The following PLCB1 variants were observed in gnomAD, a reference collection of about 807,000 sequenced individuals.
PLCB1 encodes 1-phosphatidylinositol 4,5-bisphosphate phosphodiesterase beta-1.
A neutral mutation model predicts 161.8 loss-of-function variants in PLCB1; 46 were observed. The ratio of observed to expected loss-of-function variants is 0.28; its 90% CI spans 0.22 to 0.36. The LOEUF is 0.36. PLCB1 is among the 10% of genes least tolerant of loss of function. The pLI is 1.00. For synonymous variants in PLCB1, 517 were observed against 503.7 expected, an observed-to-expected ratio of 1.03 and a Z score of -0.35; for missense variants, 1,016 against 1,472.5, an observed-to-expected ratio of 0.69 and a Z score of 5.07.
intron 3 of PLCB1, among the ~76,000 whole-genome samples, chr20:8,539,658 T>A (rs1568499476): frequency 1.1e-5 from 1 of 93,650 alleles, no homozygotes; most frequent in Non-Finnish European, 2.1e-5. Flanking sequence ...CTTTCTTTCT[T>A]TCTTTCTTTC....
intron 3 of PLCB1, among the ~76,000 whole-genome samples, chr20:8,422,197 G>A (rs1979566748): frequency 1.3e-5 from 2 of 152,214 alleles, no homozygotes; most frequent in East Asian, 1.9e-4. Flanking sequence ...GTCAGCTGGT[G>A]AAGTTTATAG....
At chr20:8,671,548 G>A (rs191562645) in intron 9 of PLCB1, among the ~76,000 whole-genome samples, 2 of 152,268 alleles carry the variant, frequency 1.3e-5, no homozygotes, top group Admixed American at 6.5e-5. Context: ...TAATCCTCAC[G>A]CCTCTGCCAG....
chr20:8,762,132 C>A (rs1982071879), intron 25 of PLCB1, among the ~76,000 whole-genome samples: 2 of 152,096 alleles, frequency 1.3e-5, no homozygotes. Flanking sequence ...TTCGCTTGAA[C>A]CCAGGAGGCG....
At chr20:8,368,472 A>G (rs1448634963) in intron 2 of PLCB1, among the ~76,000 whole-genome samples, 1 of 137,444 alleles carries the variant, frequency 7.3e-6, no homozygotes, top group Non-Finnish European at 1.5e-5. Flanking sequence ...AGTTGCAGTG[A>G]GTTGAGATTG....
At chr20:8,188,535 A>G (rs1419254854) in intron 2 of PLCB1, among the ~76,000 whole-genome samples, 1 of 152,196 alleles carries the variant, frequency 6.6e-6, no homozygotes, top group East Asian at 1.9e-4. Flanking sequence ...ATTAGAAACT[A>G]AAAGAGGAGC....
At chr20:8,646,273 C>T in intron 5 of PLCB1, 92 bp downstream of exon 5, 1 of 841,794 alleles carries the variant, frequency 1.2e-6, no homozygotes, top group Non-Finnish European at 2.0e-6. Flanking sequence ...GCCATACTGA[C>T]TTCTCACATT....
intron 4 of PLCB1, among the ~76,000 whole-genome samples, chr20:8,636,502 T>C (rs1405763962): frequency 6.6e-6 from 1 of 152,202 alleles, no homozygotes; most frequent in Non-Finnish European, 1.5e-5. Context: ...ACATCGTCTA[T>C]CTGGAACATT....
At chr20:8,736,975 G>C in intron 19 of PLCB1, 53 bp from the exon 20 acceptor site, 1 of 1,380,090 alleles carries the variant, frequency 7.2e-7, no homozygotes, top group Non-Finnish European at 1.0e-6. Context: ...TTATGTCTTT[G>C]TTATTTGCAT....
intron 1 of PLCB1, among the ~76,000 whole-genome samples, chr20:8,134,153 T>G (rs911670685): frequency 3.3e-5 from 5 of 152,230 alleles, no homozygotes; most frequent in African/African-American, 1.2e-4. Flanking sequence ...GTACTGAATG[T>G]TTCTGTAAAT....
chr20:8,342,747 T>C (rs569497484), intron 2 of PLCB1, among the ~76,000 whole-genome samples: 1 of 152,298 alleles, frequency 6.6e-6, no homozygotes, highest in Admixed American at 6.5e-5. Context: ...GTCTGCTGCC[T>C]ATTACTTCCC....
At chr20:8,681,095 TATATATATATATATATATATATATA>T (rs1240218396) in intron 9 of PLCB1, among the ~76,000 whole-genome samples, 1 of 103,292 alleles carries the variant, frequency 9.7e-6, no homozygotes, top group Non-Finnish European at 1.9e-5. Context: ...TGTATATATA[TATATATATATATATATATATATATA>T]ATATATATAA....
At chr20:8,584,461 C>T (rs2123089029) in intron 3 of PLCB1, among the ~76,000 whole-genome samples, 1 of 142,734 alleles carries the variant, frequency 7.0e-6, no homozygotes, top group Admixed American at 7.2e-5. Context: ...TTTACACAAA[C>T]ACACACACAT....
intron 23 of PLCB1, among the ~76,000 whole-genome samples, chr20:8,753,267 A>G (rs571434950): frequency 1.3e-5 from 2 of 152,292 alleles, no homozygotes; most frequent in Admixed American, 1.3e-4. Context: ...AATAAAGTGC[A>G]CAATACATGT....
At chr20:8,835,038 C>T (rs536241348) in intron 31 of PLCB1, among the ~76,000 whole-genome samples, 2 of 152,216 alleles carry the variant, frequency 1.3e-5, no homozygotes, top group East Asian at 3.9e-4. Context: ...TCCAAAAACA[C>T]CCTCACAGAA....
chr20:8,826,037 C>T (rs1600359952), intron 31 of PLCB1, among the ~76,000 whole-genome samples: 1 of 152,110 alleles, frequency 6.6e-6, no homozygotes, highest in Admixed American at 6.5e-5. Flanking sequence ...ATGACAGCAA[C>T]GTTGGACATA....
intron 3 of PLCB1, among the ~76,000 whole-genome samples, chr20:8,539,442 A>G (rs1397964596): frequency 1.3e-5 from 2 of 152,208 alleles, no homozygotes; most frequent in Non-Finnish European, 2.9e-5. Context: ...ATATTTAGCA[A>G]TGATTCTATG....
chr20:8,246,961 A>T (rs1980907464), intron 2 of PLCB1, among the ~76,000 whole-genome samples: 1 of 151,842 alleles, frequency 6.6e-6, no homozygotes, highest in Non-Finnish European at 1.5e-5. Context: ...AGAAGACAGG[A>T]TATTATACTG....
At chr20:8,140,242 A>G (rs2051388955) in intron 1 of PLCB1, among the ~76,000 whole-genome samples, 5 of 152,178 alleles carry the variant, frequency 3.3e-5, no homozygotes, top group Admixed American at 2.6e-4. Context: ...GAGCCAACCT[A>G]AAGCCTGCTC....
intron 3 of PLCB1, among the ~76,000 whole-genome samples, chr20:8,403,079 TGTGA>T (rs1978635758): frequency 6.6e-6 from 1 of 152,214 alleles, no homozygotes; most frequent in African/African-American, 2.4e-5. Context: ...CTAAACTCTT[TGTGA>T]GTTAGAACTA....
Sources: gnomAD v4.1 joint callset for allele counts (sites outside exome capture counted in the v4.1 genomes callset) on GRCh38, gnomAD v4.1.1 for gene constraint, MANE v1.5 for transcripts, NCBI Gene and HGNC (gene_info 2026-07-23, HGNC 2026-07-21) for gene names.